Variants in FNBP1 observed in about 807,000 individuals in gnomAD.
FNBP1 encodes the protein formin-binding protein 1.
FNBP1 carries 26 observed loss-of-function variants against 90.6 expected under a neutral mutation model. That is an observed-to-expected ratio of 0.29 (90% CI 0.21 to 0.40). The LOEUF is 0.40. FNBP1 is among the 10% of genes least tolerant of loss of function. FNBP1 has a pLI of 1.00. For synonymous variants in FNBP1, 260 were observed against 265.2 expected (o/e 0.98, Z 0.19); for missense variants, 635 against 768.0 (o/e 0.83, Z 2.05).
intron 11 of FNBP1, among the ~76,000 whole-genome samples, chr9:129,911,842 G>A (rs1443374624): frequency 6.7e-6 from 1 of 149,228 alleles, no homozygotes; most frequent in Non-Finnish European, 1.5e-5. Context: ...TGAGGCAGGA[G>A]AATTGCTTGA....
intron 10 of FNBP1, 177 bp from the exon 11 acceptor site, chr9:129,916,157 T>C: frequency 1.7e-6 from 1 of 591,586 alleles, no homozygotes; most frequent in Non-Finnish European, 3.0e-6. Flanking sequence ...TGTGCAAAAG[T>C]TCACAAGAAG....
intron 15 of FNBP1, among the ~76,000 whole-genome samples, chr9:129,898,569 C>T (rs1204203600): frequency 1.3e-5 from 2 of 152,052 alleles, no homozygotes. Context: ...CGGCTCACTG[C>T]CACCTCCGAC....
rs1003171765 is a variant in FNBP1 at position 130,042,358 on chromosome 9, C to A, written c.24+594G>T. ...CACATCCCACTCAGGATTGAGCTAC[C>A]CCGAAAGAACAAGTGCGCCCGGAGC... On this transcript the variant is annotated intron_variant, in intron 1 of 16. Transcript: ENST00000446176. This position sits in a 1 kb window ranked among gnomAD's most constrained non-coding sequence, Gnocchi z 5.5. Among the ~76,000 whole-genome samples the A allele has an allele frequency of 6.6e-6, 1 of 152,258 alleles. No homozygotes were observed. The highest frequency in any genetic ancestry group is 2.1e-4 in the South Asian group (1 of 4,830).
chr9:129,933,027 G>T (rs117892016), intron 6 of FNBP1, among the ~76,000 whole-genome samples: 1 of 151,986 alleles, frequency 6.6e-6, no homozygotes, highest in Admixed American at 6.6e-5. Context: ...TATTCACAAG[G>T]CTTCCTCAGA....
intron 1 of FNBP1, among the ~76,000 whole-genome samples, chr9:129,995,263 C>T (rs1564528433): frequency 6.6e-6 from 1 of 152,064 alleles, no homozygotes. Flanking sequence ...CGCCAAAAAC[C>T]GACAGGTGAA....
At chr9:130,013,992 G>A (rs879715732) in intron 1 of FNBP1, 48 of 456,270 alleles carry the variant, frequency 1.1e-4, no homozygotes, top group Admixed American at 5.4e-4. Context: ...GTGGTATTCT[G>A]CTATAGCAAC....
intron 1 of FNBP1, among the ~76,000 whole-genome samples, chr9:129,999,741 C>T (rs1459182210): frequency 6.6e-6 from 1 of 152,124 alleles, no homozygotes; most frequent in East Asian, 1.9e-4. Flanking sequence ...ATTACCATTA[C>T]ATGTTAATGG....
intron 4 of FNBP1, 35 bp from the exon 5 acceptor site, chr9:129,958,588 C>T (rs1283166164): frequency 5.9e-6 from 9 of 1,528,832 alleles, no homozygotes; most frequent in South Asian, 3.6e-5. Flanking sequence ...GATTAGTACC[C>T]TCTGCTTCTC....
Position 129,996,165 on chromosome 9 carries a change from G to A in FNBP1, c.25-1207C>T, listed in dbSNP as rs189268972. ...TAAATGTTGTTTTGACATGTTGAATGAGGGACTGGCCTGTCCAGAAGAGAG... is the reference window on the plus strand; with the variant it reads ...TAAATGTTGTTTTGACATGTTGAATAAGGGACTGGCCTGTCCAGAAGAGAG... On this transcript the variant is annotated intron_variant, in intron 1 of 16. Transcript: ENST00000446176. 9.8e-5 allele frequency among the ~76,000 whole-genome samples: 15 copies of A among 152,342 alleles called. No individual in the cohort carries two copies. In the East Asian group the frequency reaches 2.5e-3, roughly 25 times the overall value.
At chr9:129,952,871 T>A (rs2046386054) in intron 6 of FNBP1, among the ~76,000 whole-genome samples, 1 of 152,192 alleles carries the variant, frequency 6.6e-6, no homozygotes, top group Non-Finnish European at 1.5e-5. Flanking sequence ...TGTGCACCTT[T>A]TACATATTAA....
At chr9:130,002,786 G>A (rs963470401) in intron 1 of FNBP1, among the ~76,000 whole-genome samples, 1 of 152,168 alleles carries the variant, frequency 6.6e-6, no homozygotes, top group South Asian at 2.1e-4. Context: ...ACAAATGGAT[G>A]TTTCCAAGCT....
intron 4 of FNBP1, among the ~76,000 whole-genome samples, chr9:129,969,138 T>G (rs2049054454): frequency 6.6e-6 from 1 of 152,214 alleles, no homozygotes; most frequent in South Asian, 2.1e-4. Context: ...AATATATGTG[T>G]TATCAACTCT....
In FNBP1 at chr9:129,888,387, AGCCCATTGTGGAG is replaced by A. The variant is rs2131128593; in HGVS notation, c.*2139_*2151del. 4 of 232,372 alleles carry A rather than the reference AGCCCATTGTGGAG, an allele frequency of 1.7e-5. No individual in the cohort carries two copies. The East Asian group carries it at 1.8e-4, about 11-fold the overall frequency. The allele number at this position is 232,372 out of a possible 1,614,324, so 14.4% of individuals were successfully genotyped here. On this transcript the variant is annotated 3_prime_UTR_variant, in exon 17 of 17. Coordinates refer to ENST00000446176, the MANE Select transcript of FNBP1 (RefSeq NM_015033.3). ...TCCCTGTCGTCCCCGTTGGCGGGGG[AGCCCATTGTGGAG>A]CTGTGGGGACTGCCACACTCACCAT...
At chr9:129,899,915 A>C (rs776146768) in intron 15 of FNBP1, 50 bp downstream of exon 15, 1 of 1,460,642 alleles carries the variant, frequency 6.8e-7, no homozygotes, top group Non-Finnish European at 9.1e-7. Context: ...AGTAACTCAG[A>C]TATTATGGTT....
chr9:129,939,403 A>G (rs959573989), intron 6 of FNBP1, among the ~76,000 whole-genome samples: 1 of 152,002 alleles, frequency 6.6e-6, no homozygotes, highest in Admixed American at 6.6e-5. Flanking sequence ...AAATAAAAAA[A>G]TCTTGCATAT....
At chr9:129,891,786 A>G (rs1368222200) in intron 16 of FNBP1, among the ~76,000 whole-genome samples, 1 of 152,242 alleles carries the variant, frequency 6.6e-6, no homozygotes, top group Admixed American at 6.5e-5. Context: ...GCATTGGGCT[A>G]GAAAATCCCC....
intron 10 of FNBP1, chr9:129,919,125 G>C: frequency 9.8e-7 from 1 of 1,020,054 alleles, no homozygotes; most frequent in Non-Finnish European, 1.4e-6. Context: ...GCTGTGCCAT[G>C]ACTGTATGAC....
chr9:129,968,539 A>C (rs2048964239), intron 4 of FNBP1, among the ~76,000 whole-genome samples: 1 of 152,046 alleles, frequency 6.6e-6, no homozygotes, highest in Admixed American at 6.6e-5. Flanking sequence ...GTTTTCCTAA[A>C]TGTATTGGAG....
intron 11 of FNBP1, among the ~76,000 whole-genome samples, chr9:129,914,452 T>TG (rs1323500889): frequency 1.3e-5 from 2 of 152,042 alleles, no homozygotes; most frequent in Admixed American, 6.5e-5. Context: ...TATTACCTTT[T>TG]GCTCCTAGCA....
Sources: allele counts gnomAD v4.1 joint callset (sites outside exome capture counted in the v4.1 genomes callset), GRCh38; gene constraint gnomAD v4.1.1; non-coding constraint Gnocchi (gnomAD v3.1); transcripts MANE v1.5; gene names NCBI Gene and HGNC (gene_info 2026-07-23, HGNC 2026-07-21).